Variants in AGBL1 observed in about 807,000 individuals in gnomAD.
AGBL1 encodes AGBL carboxypeptidase 1, also known as cytosolic carboxypeptidase 4.
In AGBL1, 130 loss-of-function variants were observed where a neutral mutation model predicts 118.9. The ratio of observed to expected loss-of-function variants is 1.09; its 90% CI spans 0.95 to 1.26. The LOEUF (loss-of-function observed/expected upper bound fraction) is 1.26, where lower values mean the gene tolerates loss of function less well. Ranked by LOEUF, AGBL1 falls within the 50% of genes most tolerant of loss-of-function variation. The probability of loss-of-function intolerance (pLI) is 0.00; values close to 1 mark genes in which losing one functional copy is unlikely to be tolerated. For synonymous variants in AGBL1, 555 were observed against 478.9 expected, an observed-to-expected ratio of 1.16 and a Z score of -2.08; for missense variants, 1,584 against 1,298.1, an observed-to-expected ratio of 1.22 and a Z score of -3.38.
chr15:87,022,773 G>C (rs28863544), intron 24 of AGBL1, among the ~76,000 whole-genome samples: 16,546 of 151,972 alleles, frequency 0.11, 1,835 homozygotes, highest in African/African-American at 0.28. Context: ...AGCAGAAACC[G>C]TACAAGCTAG....
chr15:86,814,326 C>G (rs1302540321), intron 22 of AGBL1, among the ~76,000 whole-genome samples: 1 of 152,196 alleles, frequency 6.6e-6, no homozygotes, highest in Non-Finnish European at 1.5e-5. Flanking sequence ...GCCATTCCCT[C>G]CACTCTACCA....
chr15:86,111,950 G>C (rs1057061255), intron 1 of AGBL1, among the ~76,000 whole-genome samples: 1 of 152,116 alleles, frequency 6.6e-6, no homozygotes, highest in Non-Finnish European at 1.5e-5. Context: ...GAGCCCTGTC[G>C]TGAACTGCGC....
At chr15:86,498,925 C>A (rs2082885757) in intron 18 of AGBL1, among the ~76,000 whole-genome samples, 3 of 151,904 alleles carry the variant, frequency 2.0e-5, no homozygotes, top group African/African-American at 7.2e-5. Flanking sequence ...GACCATGAGG[C>A]AGTTAGCACA....
At chr15:86,126,933 T>C (rs1597429513) in intron 1 of AGBL1, among the ~76,000 whole-genome samples, 1 of 152,296 alleles carries the variant, frequency 6.6e-6, no homozygotes, top group South Asian at 2.1e-4. Flanking sequence ...AAAATCACAG[T>C]TGAAGTCCTT....
At chr15:86,569,413 A>G (rs28694851) in intron 21 of AGBL1, among the ~76,000 whole-genome samples, 8,251 of 45,030 alleles carry the variant, frequency 0.18, 608 homozygotes, top group African/African-American at 0.33. Flanking sequence ...GAAAACAAGG[A>G]AAAAAAAAAA....
chr15:86,549,941 G>A, intron 20 of AGBL1, among the ~76,000 whole-genome samples: 1 of 151,652 alleles, frequency 6.6e-6, no homozygotes, highest in African/African-American at 2.4e-5. Flanking sequence ...GTGTTGATGA[G>A]TATCATAACC....
intron 7 of AGBL1, among the ~76,000 whole-genome samples, chr15:86,251,623 C>T (rs2078817152): frequency 6.6e-6 from 1 of 152,082 alleles, no homozygotes; most frequent in Non-Finnish European, 1.5e-5. Flanking sequence ...CCACTGCTTG[C>T]ATTGTTTCTC....
At chr15:86,453,884 T>G (rs982758678) in intron 18 of AGBL1, among the ~76,000 whole-genome samples, 5 of 152,252 alleles carry the variant, frequency 3.3e-5, no homozygotes, top group Non-Finnish European at 7.3e-5. Context: ...TATGATAGAT[T>G]TGTGAATAGG....
rs5814252 is a variant in AGBL1 at position 86,615,931 on chromosome 15, TA to T, written c.2995-58332del. 0.51 allele frequency among the ~76,000 whole-genome samples: 76,966 copies of T among 149,746 alleles called. 19,617 individuals are homozygous for T. Among genetic ancestry groups the T allele is most frequent in the East Asian group, 0.6 (3,053 of 5,118 alleles). On this transcript the variant is annotated intron_variant, in intron 21 of 22. Transcript: ENST00000614907. This position sits in a 1 kb window ranked among gnomAD's most constrained non-coding sequence, Gnocchi z 4.3. ...TATAAGAAAAGATGTCAACAGGAAA[TA>T]AAAAAAAAATACTCCCACGGAAGTG...
At chr15:86,721,836 A>G (rs1188439633) in intron 22 of AGBL1, among the ~76,000 whole-genome samples, 1 of 152,224 alleles carries the variant, frequency 6.6e-6, no homozygotes, top group East Asian at 1.9e-4. Flanking sequence ...ATGTACAAAA[A>G]TCACAAGCAT....
intron 5 of AGBL1, among the ~76,000 whole-genome samples, chr15:86,203,610 C>T (rs1237545001): frequency 6.6e-6 from 1 of 152,166 alleles, no homozygotes; most frequent in Admixed American, 6.5e-5. Flanking sequence ...TGCTACCTGA[C>T]CACAGCTATT....
intron 22 of AGBL1, among the ~76,000 whole-genome samples, chr15:86,730,062 A>G (rs1030575059): frequency 5.3e-5 from 8 of 152,158 alleles, no homozygotes; most frequent in African/African-American, 1.9e-4. Context: ...GGCTGCATGT[A>G]TGTCTTCTTT....
chr15:86,197,873 C>A (rs1234268730), intron 5 of AGBL1, among the ~76,000 whole-genome samples: 2 of 151,552 alleles, frequency 1.3e-5, no homozygotes, highest in African/African-American at 4.9e-5. Flanking sequence ...AGAGCTATTT[C>A]ACTGAAAACA....
At chr15:86,727,415 T>A (rs1237584913) in intron 22 of AGBL1, among the ~76,000 whole-genome samples, 1 of 152,148 alleles carries the variant, frequency 6.6e-6, no homozygotes, top group African/African-American at 2.4e-5. Flanking sequence ...TATCATTAAT[T>A]TTTTTTAAAT....
intron 21 of AGBL1, among the ~76,000 whole-genome samples, chr15:86,666,488 T>TACTTTCTAATTAGAAAGTA (rs2085647474): frequency 6.6e-6 from 1 of 152,150 alleles, no homozygotes; most frequent in Non-Finnish European, 1.5e-5. Context: ...ATAATGTGAT[T>TACTTTCTAATTAGAAAGTA]ATTCCTTTCT....
At position 86,279,801 on chromosome 15, in the gene AGBL1, G is replaced by C. The variant is rs762232056; in HGVS notation, c.2220+18G>C. On this transcript the variant is annotated intron_variant, in intron 16 of 22. Coordinates refer to ENST00000614907, the MANE Select transcript of AGBL1 (RefSeq NM_001386094.1). ...CCCTCATGGTAACTTCCTCTTTATA[G>C]CATCACTCCAGCAGGACTGAAGGGG... 1.1e-5 allele frequency: 17 copies of C among 1,612,966 alleles called. No homozygotes were observed. The highest frequency in any genetic ancestry group is 1.4e-5 in the Non-Finnish European group (16 of 1,179,206).
intron 22 of AGBL1, among the ~76,000 whole-genome samples, chr15:86,806,928 C>G (rs1329220117): frequency 6.6e-6 from 1 of 151,728 alleles, no homozygotes; most frequent in African/African-American, 2.4e-5. Flanking sequence ...ATATATTATT[C>G]TTTATTGGTG....
At chr15:86,893,735 C>T (rs928379118) in intron 22 of AGBL1, among the ~76,000 whole-genome samples, 1 of 152,090 alleles carries the variant, frequency 6.6e-6, no homozygotes, top group Non-Finnish European at 1.5e-5. Context: ...CATACTTTGT[C>T]TCCAAACTCT....
intron 23 of AGBL1, among the ~76,000 whole-genome samples, chr15:86,966,052 A>G (rs549522718): frequency 6.6e-6 from 1 of 152,050 alleles, no homozygotes; most frequent in African/African-American, 2.4e-5. Flanking sequence ...ATCTTAGGTA[A>G]ATTGTTTTTG....
Sources: gnomAD v4.1 joint callset for allele counts (sites outside exome capture counted in the v4.1 genomes callset) on GRCh38, gnomAD v4.1.1 for gene constraint, Gnocchi (gnomAD v3.1) non-coding constraint, MANE v1.5 for transcripts, NCBI Gene and HGNC (gene_info 2026-07-23, HGNC 2026-07-21) for gene names.